UTRN: variants seen among roughly 807,000 people sequenced by gnomAD.
UTRN encodes the protein utrophin.
A neutral mutation model predicts 463.9 loss-of-function variants in UTRN; 283 were observed. The observed-to-expected ratio is 0.61, with a 90% CI of 0.55 to 0.67. The LOEUF is 0.67. Among genes scored for constraint, UTRN ranks in the 30% least tolerant of loss-of-function variants. UTRN has a pLI of 0.00. For synonymous variants in UTRN, 1,442 were observed against 1,431.5 expected, an observed-to-expected ratio of 1.01 and a Z score of -0.17; for missense variants, 3,922 against 4,084.3, an observed-to-expected ratio of 0.96 and a Z score of 1.08.
intron 2 of UTRN, among the ~76,000 whole-genome samples, chr6:144,396,576 G>T (rs556969426): frequency 6.6e-6 from 1 of 152,170 alleles, no homozygotes. Context: ...TGCCAAAAAC[G>T]ATTGAATTGT....
At chr6:144,477,293 C>A (rs540868911) in intron 25 of UTRN, among the ~76,000 whole-genome samples, 1 of 152,080 alleles carries the variant, frequency 6.6e-6, no homozygotes, top group Admixed American at 6.6e-5. Context: ...CCCACAGTCA[C>A]GTAAATAGTA....
At chr6:144,645,839 T>A (rs549361963) in intron 51 of UTRN, among the ~76,000 whole-genome samples, 1 of 152,294 alleles carries the variant, frequency 6.6e-6, no homozygotes, top group South Asian at 2.1e-4. Context: ...CAGAGTTGGC[T>A]GCTTGTAATG....
At chr6:144,410,702 A>G (rs1434546901) in intron 3 of UTRN, among the ~76,000 whole-genome samples, 1 of 151,802 alleles carries the variant, frequency 6.6e-6, no homozygotes, top group African/African-American at 2.4e-5. Flanking sequence ...GAGTTACTTC[A>G]CTTAGAATAA....
intron 59 of UTRN, among the ~76,000 whole-genome samples, chr6:144,772,182 C>T (rs866361343): frequency 3.3e-5 from 5 of 151,214 alleles, no homozygotes; most frequent in African/African-American, 4.9e-5. Flanking sequence ...TACAGGCGCC[C>T]GCCGCCACTC....
At chr6:144,551,217 T>C (rs1798886452) in intron 48 of UTRN, 135 bp downstream of exon 48, 1 of 561,916 alleles carries the variant, frequency 1.8e-6, no homozygotes, top group Non-Finnish European at 3.0e-6. Flanking sequence ...GTGTTTAATA[T>C]TTGTTACTCT....
intron 2 of UTRN, among the ~76,000 whole-genome samples, chr6:144,342,845 A>T (rs929973858): frequency 6.6e-6 from 1 of 152,352 alleles, no homozygotes; most frequent in South Asian, 2.1e-4. Flanking sequence ...TTGATGCAAA[A>T]AAAGATCAAT....
intron 74 of UTRN, among the ~76,000 whole-genome samples, chr6:144,847,158 T>C (rs939670029): frequency 1.4e-5 from 2 of 146,474 alleles, no homozygotes; most frequent in Non-Finnish European, 1.5e-5. Flanking sequence ...TCACAGAACA[T>C]TGACCTAAAA....
chr6:144,550,093 G>A (rs1458555467), intron 47 of UTRN, among the ~76,000 whole-genome samples: 2 of 152,170 alleles, frequency 1.3e-5, no homozygotes, highest in African/African-American at 4.8e-5. Flanking sequence ...GCAGAAATAA[G>A]GAATAGAAGA....
intron 45 of UTRN, among the ~76,000 whole-genome samples, chr6:144,541,666 C>T (rs1441087707): frequency 6.6e-6 from 1 of 152,122 alleles, no homozygotes; most frequent in Admixed American, 6.6e-5. Context: ...GATAGGAATG[C>T]ATTAAAGAGT....
chr6:144,588,699 G>T (rs1310957583), intron 51 of UTRN, among the ~76,000 whole-genome samples: 2 of 152,302 alleles, frequency 1.3e-5, no homozygotes, highest in Non-Finnish European at 2.9e-5. Context: ...AAATTTCCTA[G>T]CTGTAGGTAC....
intron 1 of UTRN, 128 bp from the exon 2 acceptor site, chr6:144,291,609 G>A: frequency 2.7e-6 from 1 of 367,984 alleles, no homozygotes; most frequent in East Asian, 4.7e-5. Context: ...TAACACCATT[G>A]CCTGGCTTGG....
chr6:144,453,192 G>C (rs182611644), intron 18 of UTRN, among the ~76,000 whole-genome samples: 1 of 151,814 alleles, frequency 6.6e-6, no homozygotes, highest in African/African-American at 2.4e-5. Context: ...GTGCAATCTC[G>C]GCTCCCTGCA....
intron 28 of UTRN, among the ~76,000 whole-genome samples, chr6:144,486,157 C>T (rs1373059034): frequency 6.6e-6 from 1 of 152,152 alleles, no homozygotes; most frequent in African/African-American, 2.4e-5. Context: ...GGTAGATAGG[C>T]TTTTAAAAAT....
At chr6:144,313,985 G>T (rs992636440) in intron 2 of UTRN, among the ~76,000 whole-genome samples, 1 of 151,988 alleles carries the variant, frequency 6.6e-6, no homozygotes, top group Non-Finnish European at 1.5e-5. Flanking sequence ...TAATACACTA[G>T]GAGTAGAATA....
intron 54 of UTRN, among the ~76,000 whole-genome samples, chr6:144,744,325 T>TG (rs1378757935): frequency 7.7e-5 from 8 of 103,420 alleles, no homozygotes; most frequent in African/African-American, 3.0e-4. Flanking sequence ...TATATATGTG[T>TG]GTGTGTGTGT....
chr6:144,522,852 G>A (rs898421209), intron 40 of UTRN, among the ~76,000 whole-genome samples, 164 bp from the exon 41 acceptor site: 3 of 149,382 alleles, frequency 2.0e-5, no homozygotes, highest in Non-Finnish European at 4.5e-5. Context: ...GGTTAAAACA[G>A]AGTATCATTT....
rs186948235 is a variant in UTRN, at chr6:144,810,303, T to C, written c.9357+7156T>C. ...TTGGAGGTAGTGTGTCCTGAACCCT[T>C]GCCAAGTGTAAACATCCTTTTCTCT... On this transcript the variant is annotated intron_variant, in intron 65 of 74. Coordinates refer to ENST00000367545, the MANE Select transcript of UTRN (RefSeq NM_007124.3). Among the ~76,000 whole-genome samples, 63 of 152,288 alleles carry C rather than the reference T, an allele frequency of 4.1e-4. No homozygotes were observed. In the East Asian group the frequency reaches 0.011, roughly 27 times the overall value.
intron 33 of UTRN, 108 bp from the exon 34 acceptor site, chr6:144,499,149 G>A: frequency 1.7e-6 from 2 of 1,202,716 alleles, no homozygotes; most frequent in Non-Finnish European, 1.1e-6. Flanking sequence ...GTATGTCTTG[G>A]GGGTTATATA....
At chr6:144,353,778 C>G (rs757028390) in intron 2 of UTRN, among the ~76,000 whole-genome samples, 1 of 152,024 alleles carries the variant, frequency 6.6e-6, no homozygotes, top group Non-Finnish European at 1.5e-5. Context: ...ACCTGGGAGT[C>G]GGAGGTTGCA....
Sources: gnomAD v4.1 joint callset for allele counts (sites outside exome capture counted in the v4.1 genomes callset) on GRCh38, gnomAD v4.1.1 for gene constraint, MANE v1.5 for transcripts, NCBI Gene and HGNC (gene_info 2026-07-23, HGNC 2026-07-21) for gene names.